NCAM1: variants seen among roughly 807,000 people sequenced by gnomAD.
The protein encoded by NCAM1 is antigen recognized by monoclonal antibody 5.1H11.
A neutral mutation model predicts 109.8 loss-of-function variants in NCAM1; 14 were observed. That is an observed-to-expected ratio of 0.13 (90% confidence interval 0.08 to 0.20). NCAM1 has a LOEUF of 0.20. Among genes scored for constraint, NCAM1 ranks in the 10% least tolerant of loss-of-function variants. NCAM1 has a pLI of 1.00. For missense variants in NCAM1, 774 were observed against 1,109.9 expected (o/e 0.70, Z 4.30); for synonymous variants, 418 against 442.9 (o/e 0.94, Z 0.70).
intron 1 of NCAM1, among the ~76,000 whole-genome samples, chr11:113,060,824 G>A (rs1953889444): frequency 6.6e-6 from 1 of 152,260 alleles, no homozygotes; most frequent in African/African-American, 2.4e-5. Context: ...CTTGTCACTA[G>A]TCACTCTGAA....
At position 113,275,508 on chromosome 11, in the gene NCAM1, AC is replaced by A. The variant is rs1946385554; in HGVS notation, c.*122del. On this transcript the variant is annotated 3_prime_UTR_variant, in exon 20 of 20. Coordinates refer to ENST00000316851, the MANE Select transcript of NCAM1 (RefSeq NM_181351.5). ...CACACAAACACACATGCACACACAC[AC>A]ATCTCATTTCTCTAGTGTCTTTTGC... 4.6e-5 allele frequency: 56 copies of A among 1,216,400 alleles called. 1 individual carries two copies. The South Asian group carries it at 8.5e-4, about 19-fold the overall frequency. The allele number at this position is 1,216,400 out of a possible 1,614,324, so 75.4% of individuals were successfully genotyped here. A position where few individuals can be genotyped will look rare whatever the true frequency, so the allele number is the denominator to read the frequency against.
chr11:113,208,041 A>G (rs782525184), intron 7 of NCAM1, 39 bp downstream of exon 7: 16 of 1,573,074 alleles, frequency 1.0e-5, no homozygotes, highest in Middle Eastern at 1.7e-4. Context: ...CTCTGCCACA[A>G]TTCCCCTTCC....
intron 1 of NCAM1, among the ~76,000 whole-genome samples, chr11:113,060,857 G>T (rs1313435006): frequency 1.3e-5 from 2 of 152,188 alleles, no homozygotes; most frequent in Non-Finnish European, 2.9e-5. Flanking sequence ...CCATGGAAGG[G>T]TTTACAAGAT....
intron 1 of NCAM1, among the ~76,000 whole-genome samples, chr11:113,115,099 G>A (rs1030382131): frequency 8.5e-5 from 13 of 152,272 alleles, no homozygotes; most frequent in African/African-American, 2.9e-4. Context: ...CCCCCAGCTG[G>A]TAGCATCCTG....
intron 14 of NCAM1, chr11:113,235,371 T>C (rs1945134711): frequency 9.1e-6 from 10 of 1,104,120 alleles, no homozygotes; most frequent in South Asian, 3.7e-5. Flanking sequence ...CTCCAAGGGG[T>C]TGGGGACACT....
chr11:113,262,032 C>G (rs528190978), intron 17 of NCAM1, among the ~76,000 whole-genome samples: 1 of 152,130 alleles, frequency 6.6e-6, no homozygotes, highest in Non-Finnish European at 1.5e-5. Context: ...GGTGACGGCT[C>G]TGTGGCTCTC....
chr11:113,117,994 G>A (rs1319167769), intron 1 of NCAM1, among the ~76,000 whole-genome samples: 1 of 151,882 alleles, frequency 6.6e-6, no homozygotes, highest in African/African-American at 2.4e-5. Flanking sequence ...TTAATAGCAC[G>A]GATTGAAAGA....
Position 112,981,776 on chromosome 11 carries a change from C to A in NCAM1, c.52+20112C>A, listed in dbSNP as rs183976424. Among the ~76,000 whole-genome samples the A allele has an allele frequency of 2.0e-5, 3 of 151,948 alleles. No homozygotes were observed. In the East Asian group the frequency reaches 5.8e-4, roughly 30 times the overall value. ...TTTGAAAGTTCATCTCATTTAACTT[C>A]TTTAAAACAAAATTTGTGAACATCT... On this transcript the variant is annotated intron_variant, in intron 1 of 19. Coordinates refer to ENST00000316851, the MANE Select transcript of NCAM1 (RefSeq NM_181351.5).
intron 1 of NCAM1, among the ~76,000 whole-genome samples, chr11:113,034,233 A>C (rs1181561719): frequency 6.6e-6 from 1 of 152,036 alleles, no homozygotes; most frequent in Middle Eastern, 3.2e-3. Context: ...TACCTGGGCA[A>C]AGAAACTCTT....
In NCAM1 at chr11:113,078,183, C is replaced by A. The variant is rs1210070680; in HGVS notation, c.52+116519C>A. Among the ~76,000 whole-genome samples, 4 of 152,150 alleles carry A rather than the reference C, an allele frequency of 2.6e-5. No homozygotes were observed. The East Asian group carries it at 7.7e-4, about 29-fold the overall frequency. ...TCTAGGGGAGAATCCTTTCTTCTTT[C>A]TTCCAGCGTCTGATGGCTCCGAGAG... is the stretch of plus-strand genomic sequence containing the variant. On this transcript the variant is annotated intron_variant, in intron 1 of 19. Coordinates refer to ENST00000316851, the MANE Select transcript of NCAM1 (RefSeq NM_181351.5).
chr11:113,117,543 T>C (rs1307022785), intron 1 of NCAM1, among the ~76,000 whole-genome samples: 1 of 152,028 alleles, frequency 6.6e-6, no homozygotes, highest in East Asian at 1.9e-4. Context: ...CCAAAATGAC[T>C]ACAAAAATTT....
chr11:113,245,849 A>G (rs1945484732), intron 14 of NCAM1, among the ~76,000 whole-genome samples: 1 of 152,208 alleles, frequency 6.6e-6, no homozygotes, highest in Non-Finnish European at 1.5e-5. Context: ...CTTTTCCTTG[A>G]TGACCCATAT....
chr11:113,234,750 A>G lies in NCAM1; in HGVS notation c.1694-283A>G, dbSNP rs781847948. On this transcript the variant is annotated intron_variant, in intron 13 of 19. Coordinates refer to ENST00000316851, the MANE Select transcript of NCAM1 (RefSeq NM_181351.5). ...TATTGTGAATGATGCTGCTGTGAAC[A>G]TGGGTAGCCCAGGTATCTGTATCTG... is the stretch of plus-strand genomic sequence containing the variant. Among the ~76,000 whole-genome samples the G allele has an allele frequency of 2.6e-5, 4 of 152,150 alleles. No individual in the cohort carries two copies. The South Asian group carries it at 8.3e-4, about 32-fold the overall frequency.
chr11:112,978,131 T>C (rs1294356550), intron 1 of NCAM1, among the ~76,000 whole-genome samples: 3 of 151,794 alleles, frequency 2.0e-5, no homozygotes, highest in Admixed American at 6.6e-5. Flanking sequence ...ATCTCTATAA[T>C]TTTGTAAGCA....
At chr11:113,095,142 G>T (rs188007894) in intron 1 of NCAM1, among the ~76,000 whole-genome samples, 1 of 152,078 alleles carries the variant, frequency 6.6e-6, no homozygotes, top group Non-Finnish European at 1.5e-5. Flanking sequence ...CAATAATTTT[G>T]TAAAGAGAAT....
chr11:113,089,625 T>A (rs959043577), intron 1 of NCAM1, among the ~76,000 whole-genome samples: 3 of 152,008 alleles, frequency 2.0e-5, no homozygotes, highest in African/African-American at 7.3e-5. Flanking sequence ...TTTCCTGACT[T>A]TAGGGTGGAA....
intron 1 of NCAM1, among the ~76,000 whole-genome samples, chr11:113,098,843 A>G (rs1324228125): frequency 6.6e-6 from 1 of 152,194 alleles, no homozygotes; most frequent in Non-Finnish European, 1.5e-5. Flanking sequence ...GGGCAGGTCT[A>G]TGACCATGGG....
At chr11:112,992,856 G>A (rs1460778229) in intron 1 of NCAM1, among the ~76,000 whole-genome samples, 1 of 152,070 alleles carries the variant, frequency 6.6e-6, no homozygotes, top group Non-Finnish European at 1.5e-5. Context: ...TCATATTAAT[G>A]TATAAGCAAA....
At chr11:113,089,444 G>T (rs2135748284) in intron 1 of NCAM1, among the ~76,000 whole-genome samples, 1 of 152,112 alleles carries the variant, frequency 6.6e-6, no homozygotes, top group Admixed American at 6.5e-5. Context: ...GAACAACTGT[G>T]GTTAAGACAG....
Sources: gnomAD v4.1 joint callset for allele counts (sites outside exome capture counted in the v4.1 genomes callset) on GRCh38, gnomAD v4.1.1 for gene constraint, MANE v1.5 for transcripts, NCBI Gene and HGNC (gene_info 2026-07-23, HGNC 2026-07-21) for gene names.